Variants in KMT2C observed in about 807,000 individuals in gnomAD.
The protein encoded by KMT2C is lysine methyltransferase 2C, also known as histone-lysine N-methyltransferase 2C.
In KMT2C, 88 loss-of-function variants were observed where a neutral mutation model predicts 507.9. The ratio of observed to expected loss-of-function variants is 0.17; its 90% CI spans 0.15 to 0.21. KMT2C has a LOEUF of 0.21. KMT2C is among the 10% of genes least tolerant of loss of function. The pLI is 1.00. For missense variants in KMT2C, 4,954 were observed against 5,957.8 expected, an observed-to-expected ratio of 0.83 and a Z score of 5.55; for synonymous variants, 2,049 against 2,080.8, an observed-to-expected ratio of 0.98 and a Z score of 0.42.
At chr7:152,191,810 A>G (rs1041463232) in intron 31 of KMT2C, among the ~76,000 whole-genome samples, 2 of 152,238 alleles carry the variant, frequency 1.3e-5, no homozygotes, top group African/African-American at 4.8e-5. Context: ...TTGAATAACT[A>G]TGTGTCGCCC....
chr7:152,192,106 AT>A (rs1455366637), intron 31 of KMT2C, among the ~76,000 whole-genome samples: 4 of 152,084 alleles, frequency 2.6e-5, no homozygotes, highest in Non-Finnish European at 5.9e-5. Flanking sequence ...CAATGAAGTG[AT>A]TTTCATAATG....
At chr7:152,398,298 A>C (rs2097549396) in intron 1 of KMT2C, among the ~76,000 whole-genome samples, 2 of 152,314 alleles carry the variant, frequency 1.3e-5, no homozygotes, top group South Asian at 4.1e-4. Context: ...CACGTGATTC[A>C]TATCTTTGGA....
rs536631425 is a variant in KMT2C at position 152,323,344 on chromosome 7, G to T, written c.389+7257C>A. Among the ~76,000 whole-genome samples the T allele has an allele frequency of 1.1e-4, 17 of 152,082 alleles. No individual in the cohort carries two copies. In the South Asian group the frequency reaches 3.5e-3, roughly 32 times the overall value. ...AAACAATGGAATACTATTCAGCCTT[G>T]AAAAGCGGGAGGATGGGGAGTGGTG... On this transcript the variant is annotated intron_variant, in intron 3 of 58. Transcript: ENST00000262189.
chr7:152,156,394 C>G, intron 44 of KMT2C, 48 bp from the exon 45 acceptor site: 4 of 1,596,504 alleles, frequency 2.5e-6, no homozygotes, highest in Non-Finnish European at 3.4e-6. Context: ...AGCGAATATG[C>G]AATGACCTTG....
At chr7:152,194,602 A>T (rs1725236128) in intron 28 of KMT2C, 34 bp from the exon 29 acceptor site, 1 of 1,577,710 alleles carries the variant, frequency 6.3e-7, no homozygotes, top group Non-Finnish European at 8.7e-7. Context: ...TTAAAGGTAC[A>T]TTCAGAATAC....
In KMT2C at chr7:152,162,757, G is replaced by C. The variant is rs2129104003; in HGVS notation, c.10820C>G (p.Thr3607Arg). The C allele has an allele frequency of 6.2e-7, 1 of 1,614,120 alleles. No individual in the cohort carries two copies. The change falls in exon 43 of 59, where the codon ACA becomes AGA. Residue 3607 changes from threonine to arginine, a missense_variant. Physicochemically the swap from Thr to Arg is moderately conservative, Grantham distance 71 (BLOSUM62 -1). Around this residue, in one of 29 missense-constraint regions of KMT2C, gnomAD observed 801 missense variants for 751.2 expected, o/e 1.07. Transcript: ENST00000262189. Reference protein sequence around the residue: ...IPEEKGKKKRTRKKKRDDDAE... With the variant: ...IPEEKGKKKRRRKKKRDDDAE... ...ATCATCATCTCTTTTCTTCTTTCTT[G>C]TTCTTTTCTTTTTCCCTTTTTCCTC...
At chr7:152,252,235 G>A (rs1308937068) in intron 10 of KMT2C, 145 bp from the exon 11 acceptor site, 4 of 614,978 alleles carry the variant, frequency 6.5e-6, no homozygotes, top group African/African-American at 1.9e-5. Flanking sequence ...AACTGACAAA[G>A]GTTTTTTAAA....
At chr7:152,337,359 C>G (rs1234322046) in intron 2 of KMT2C, among the ~76,000 whole-genome samples, 2 of 152,186 alleles carry the variant, frequency 1.3e-5, no homozygotes, top group Non-Finnish European at 2.9e-5. Flanking sequence ...TAAATAGCAT[C>G]AGCTATGTGC....
chr7:152,256,038 G>A (rs567928007), intron 9 of KMT2C, among the ~76,000 whole-genome samples: 8 of 151,900 alleles, frequency 5.3e-5, no homozygotes, highest in Non-Finnish European at 8.8e-5. Flanking sequence ...GCGTGGTGGC[G>A]CATGCCTGTA....
intron 40 of KMT2C, 64 bp downstream of exon 40, chr7:152,171,200 G>C (rs2129108330): frequency 3.7e-6 from 4 of 1,093,482 alleles, no homozygotes; most frequent in Non-Finnish European, 5.3e-6. Flanking sequence ...TTACTCTAAA[G>C]CATGAGTTTG....
chr7:152,339,858 T>C (rs917046394), intron 2 of KMT2C, among the ~76,000 whole-genome samples: 1 of 152,152 alleles, frequency 6.6e-6, no homozygotes, highest in African/African-American at 2.4e-5. Context: ...ATACAAAGAT[T>C]TATAAAAAGC....
At chr7:152,184,313 T>G (rs1367631496) in intron 34 of KMT2C, among the ~76,000 whole-genome samples, 1 of 152,044 alleles carries the variant, frequency 6.6e-6, no homozygotes, top group African/African-American at 2.4e-5. Context: ...ACTGAAAATA[T>G]GTGCACTGGG....
intron 25 of KMT2C, among the ~76,000 whole-genome samples, chr7:152,203,886 A>T (rs2094218328): frequency 1.3e-5 from 2 of 152,212 alleles, no homozygotes; most frequent in Non-Finnish European, 2.9e-5. Context: ...ACAAAAATTA[A>T]GATAAATAAG....
intron 27 of KMT2C, among the ~76,000 whole-genome samples, chr7:152,196,493 G>C (rs1042279383): frequency 2.6e-5 from 4 of 152,150 alleles, no homozygotes; most frequent in African/African-American, 9.7e-5. Flanking sequence ...TTGCAGCTTT[G>C]CTGTTCATAC....
At chr7:152,140,499 T>C (rs1370833921) in intron 55 of KMT2C, among the ~76,000 whole-genome samples, 2 of 152,188 alleles carry the variant, frequency 1.3e-5, no homozygotes, top group Non-Finnish European at 2.9e-5. Flanking sequence ...TAGAGAAACA[T>C]ACTAACAAAA....
At chr7:152,297,055 C>CAGACAG (rs1315629061) in intron 6 of KMT2C, among the ~76,000 whole-genome samples, 3,790 of 84,350 alleles carry the variant, frequency 0.045, 138 homozygotes, top group African/African-American at 0.056. Context: ...GAAAGAAAGA[C>CAGACAG]AGAGAGAGAG....
At chr7:152,304,119 C>G (rs1206615386) in intron 6 of KMT2C, among the ~76,000 whole-genome samples, 1 of 152,152 alleles carries the variant, frequency 6.6e-6, no homozygotes, top group African/African-American at 2.4e-5. Context: ...CAACCCCTCA[C>G]CTGAGCTTTA....
intron 35 of KMT2C, 26 bp downstream of exon 35, chr7:152,182,948 A>G: frequency 1.3e-6 from 2 of 1,523,274 alleles, no homozygotes; most frequent in South Asian, 2.6e-5. Context: ...CAACTTCAAA[A>G]AGTAGATTAT....
chr7:152,368,404 AAGATAG>A, intron 1 of KMT2C: 4 of 1,130,680 alleles, frequency 3.5e-6, no homozygotes, highest in Non-Finnish European at 5.2e-6. Context: ...TAAAATGAAG[AAGATAG>A]AGATGGAGAT....
Sources: gnomAD v4.1 joint callset for allele counts (sites outside exome capture counted in the v4.1 genomes callset) on GRCh38, gnomAD v4.1.1 for gene constraint, gnomAD v4.1.1 regional missense constraint, MANE v1.5 for transcripts, NCBI Gene and HGNC (gene_info 2026-07-23, HGNC 2026-07-21) for gene names.